RALYL: variants seen among roughly 807,000 people sequenced by gnomAD.
RALYL encodes the protein RNA-binding Raly-like protein.
RALYL carries 29 observed loss-of-function variants against 35.1 expected under a neutral mutation model. The observed-to-expected ratio is 0.83, with a 90% CI of 0.61 to 1.13. RALYL has a LOEUF of 1.13. Ranked by LOEUF, RALYL falls within the 50% of genes most tolerant of loss-of-function variation. The probability of loss-of-function intolerance (pLI) is 0.00; values close to 1 mark genes in which losing one functional copy is unlikely to be tolerated. For missense variants in RALYL, 359 were observed against 360.4 expected, an observed-to-expected ratio of 1.00 and a Z score of 0.03; for synonymous variants, 120 against 127.6, an observed-to-expected ratio of 0.94 and a Z score of 0.40.
intron 1 of RALYL, among the ~76,000 whole-genome samples, chr8:84,318,224 A>G (rs1382219421): frequency 6.6e-6 from 1 of 152,200 alleles, no homozygotes; most frequent in East Asian, 1.9e-4. Flanking sequence ...GGACTGCACA[A>G]GCTGCATGCC....
chr8:84,426,473 T>TGTGTGG (rs781271546), intron 1 of RALYL, among the ~76,000 whole-genome samples: 1 of 149,030 alleles, frequency 6.7e-6, no homozygotes, highest in Admixed American at 6.7e-5. Context: ...TGTGTGTGTG[T>TGTGTGG]GGGTTTAGAT....
chr8:84,727,316 CCTTCATTT>C (rs1845154175), intron 2 of RALYL, among the ~76,000 whole-genome samples: 1 of 152,034 alleles, frequency 6.6e-6, no homozygotes, highest in Non-Finnish European at 1.5e-5. Flanking sequence ...GGAGTTATTA[CCTTCATTT>C]TATAAAAGGA....
chr8:84,783,833 A>C (rs568966255), intron 3 of RALYL, among the ~76,000 whole-genome samples: 1 of 152,282 alleles, frequency 6.6e-6, no homozygotes, highest in East Asian at 1.9e-4. Context: ...CAATAGGGAG[A>C]ATTAAGCCAC....
chr8:84,487,083 T>C (rs1325273967), intron 1 of RALYL, among the ~76,000 whole-genome samples: 1 of 152,080 alleles, frequency 6.6e-6, no homozygotes, highest in Non-Finnish European at 1.5e-5. Context: ...TTACTCTTGA[T>C]TGATTATATA....
intron 2 of RALYL, among the ~76,000 whole-genome samples, chr8:84,623,478 T>A (rs1822025478): frequency 6.6e-6 from 1 of 150,808 alleles, no homozygotes; most frequent in Non-Finnish European, 1.5e-5. Flanking sequence ...GTCATCCTAC[T>A]GTCCTGTAAG....
At chr8:84,296,501 C>G (rs1839769248) in intron 1 of RALYL, among the ~76,000 whole-genome samples, 1 of 151,914 alleles carries the variant, frequency 6.6e-6, no homozygotes, top group Non-Finnish European at 1.5e-5. Context: ...GCCCCAGGCT[C>G]CTTATGTTAA....
chr8:84,660,437 A>T (rs1157733922), intron 2 of RALYL, among the ~76,000 whole-genome samples: 3 of 151,952 alleles, frequency 2.0e-5, no homozygotes, highest in Non-Finnish European at 4.4e-5. Context: ...CTGTCTCATT[A>T]GAGGTATTTA....
intron 2 of RALYL, among the ~76,000 whole-genome samples, chr8:84,669,791 A>C (rs954501776): frequency 6.6e-6 from 1 of 152,118 alleles, no homozygotes; most frequent in African/African-American, 2.4e-5. Context: ...CCTGCCCTAG[A>C]TTCATACCAT....
chr8:84,533,318 A>T (rs1481089258), intron 2 of RALYL, among the ~76,000 whole-genome samples: 1 of 152,190 alleles, frequency 6.6e-6, no homozygotes, highest in Non-Finnish European at 1.5e-5. Context: ...AGATAAAAAC[A>T]TTTTAAATGC....
chr8:84,550,582 A>G (rs1040821299), intron 2 of RALYL, among the ~76,000 whole-genome samples: 7 of 151,436 alleles, frequency 4.6e-5, no homozygotes, highest in African/African-American at 1.7e-4. Flanking sequence ...TTCTTTAATA[A>G]AATATTATAT....
At chr8:84,383,903 A>T (rs1346617434) in intron 1 of RALYL, among the ~76,000 whole-genome samples, 2 of 151,730 alleles carry the variant, frequency 1.3e-5, no homozygotes, top group African/African-American at 4.8e-5. Flanking sequence ...TGATGTATGA[A>T]ATTTGAGATG....
intron 1 of RALYL, among the ~76,000 whole-genome samples, chr8:84,357,990 A>G (rs1371179361): frequency 6.6e-6 from 1 of 151,722 alleles, no homozygotes; most frequent in Admixed American, 6.6e-5. Flanking sequence ...TTCGCCATCT[A>G]CATGAACATT....
At chr8:84,581,813 T>C (rs1374319226) in intron 2 of RALYL, among the ~76,000 whole-genome samples, 1 of 152,160 alleles carries the variant, frequency 6.6e-6, no homozygotes, top group Non-Finnish European at 1.5e-5. Context: ...TATGAAAATT[T>C]GTCTAGAAAT....
chr8:84,877,243 T>G (rs1841335441), intron 7 of RALYL, among the ~76,000 whole-genome samples: 1 of 152,048 alleles, frequency 6.6e-6, no homozygotes, highest in Non-Finnish European at 1.5e-5. Context: ...TCCTAGCACT[T>G]TGGGAGGCTG....
intron 2 of RALYL, among the ~76,000 whole-genome samples, chr8:84,618,316 T>A (rs1213095528): frequency 1.3e-5 from 2 of 151,834 alleles, no homozygotes; most frequent in East Asian, 3.8e-4. Context: ...CCTGGTTTAG[T>A]CTTGGGAGGG....
At chr8:84,375,492 T>C (rs1027091138) in intron 1 of RALYL, among the ~76,000 whole-genome samples, 1 of 151,882 alleles carries the variant, frequency 6.6e-6, no homozygotes, top group Non-Finnish European at 1.5e-5. Context: ...TTATACCTAA[T>C]TTAATAGAAG....
chr8:84,722,647 A>ATATATATG lies in RALYL; in HGVS notation c.257-51931_257-51930insATATATGT, dbSNP rs1393286997. Among the ~76,000 whole-genome samples, 3 of 135,402 alleles carry ATATATATG rather than the reference A, an allele frequency of 2.2e-5. No homozygotes were observed. In the Admixed American group the frequency reaches 2.2e-4, roughly 10 times the overall value. The allele number at this position is 135,402 out of a possible 152,430, so 88.8% of individuals were successfully genotyped here. On this transcript the variant is annotated intron_variant, in intron 2 of 8. Coordinates refer to ENST00000521268, the MANE Select transcript of RALYL (RefSeq NM_173848.7). Reference sequence around the variant, plus strand: ...TATATATATATATATATATATATATATGTATGTATATAAAATATTGTGTAT... The same window carrying ATATATATG: ...TATATATATATATATATATATATATATATATATGTGTATGTATATAAAATATTGTGTAT...
At chr8:84,472,906 G>A (rs530108178) in intron 1 of RALYL, among the ~76,000 whole-genome samples, 4 of 152,112 alleles carry the variant, frequency 2.6e-5, no homozygotes, top group Non-Finnish European at 5.9e-5. Context: ...TATTTTCATG[G>A]AATAATCTTT....
At chr8:84,827,592 A>G (rs1829988169) in intron 4 of RALYL, among the ~76,000 whole-genome samples, 1 of 152,122 alleles carries the variant, frequency 6.6e-6, no homozygotes, top group African/African-American at 2.4e-5. Flanking sequence ...TAAAATCAAA[A>G]CAGGATAGTT....
Sources: allele counts gnomAD v4.1 joint callset (sites outside exome capture counted in the v4.1 genomes callset), GRCh38; gene constraint gnomAD v4.1.1; transcripts MANE v1.5; gene names NCBI Gene and HGNC (gene_info 2026-07-23, HGNC 2026-07-21).